The following CSRNP3 variants were observed in gnomAD, a reference collection of about 807,000 sequenced individuals.
CSRNP3 encodes the protein cysteine/serine-rich nuclear protein 3.
A neutral mutation model predicts 48.0 loss-of-function variants in CSRNP3; 12 were observed. The observed-to-expected ratio is 0.25, with a 90% CI of 0.16 to 0.41. CSRNP3 has a LOEUF of 0.41. Ranked by LOEUF, CSRNP3 falls within the 10% of genes least tolerant of loss-of-function variation. The pLI, the probability that CSRNP3 is intolerant of heterozygous loss-of-function variation, is 1.00. For synonymous variants in CSRNP3, 263 were observed against 269.7 expected (o/e 0.98, Z 0.24); for missense variants, 580 against 724.4 (o/e 0.80, Z 2.29).
intron 5 of CSRNP3, among the ~76,000 whole-genome samples, chr2:165,674,006 G>C (rs1215199112): frequency 1.3e-5 from 2 of 152,010 alleles, no homozygotes; most frequent in African/African-American, 4.8e-5. Context: ...GGGAAACAGA[G>C]CTAGACTCCA....
At chr2:165,626,127 G>C (rs1420212454) in intron 4 of CSRNP3, among the ~76,000 whole-genome samples, 6 of 151,542 alleles carry the variant, frequency 4.0e-5, no homozygotes, top group Non-Finnish European at 8.8e-5. Flanking sequence ...GGAGGCTGAG[G>C]CAGGAGAATC....
chr2:165,567,318 C>T (rs1208149494), intron 3 of CSRNP3, among the ~76,000 whole-genome samples: 1 of 152,006 alleles, frequency 6.6e-6, no homozygotes, highest in African/African-American at 2.4e-5. Context: ...TCTTTTCTCT[C>T]GATAAATGCT....
chr2:165,593,474 A>G (rs1339326315), intron 3 of CSRNP3, among the ~76,000 whole-genome samples: 3 of 152,074 alleles, frequency 2.0e-5, no homozygotes, highest in Admixed American at 2.0e-4. Context: ...ATTTCTAACC[A>G]TCTCACTCCC....
chr2:165,630,558 C>T (rs1686519015), intron 4 of CSRNP3, among the ~76,000 whole-genome samples: 2 of 152,206 alleles, frequency 1.3e-5, no homozygotes, highest in South Asian at 4.1e-4. Context: ...AGCTGGACAG[C>T]AACAACTCCT....
rs140740371 is a variant in CSRNP3, at chr2:165,626,521, G to T, written c.149-31240G>T. Among the ~76,000 whole-genome samples, 556 of 152,260 alleles carry T rather than the reference G, an allele frequency of 3.7e-3. 1 individual carries two copies. The highest frequency in any genetic ancestry group is 5.9e-3 in the Non-Finnish European group (404 of 68,016). On this transcript the variant is annotated intron_variant, in intron 4 of 6. Coordinates refer to ENST00000651982, the MANE Select transcript of CSRNP3 (RefSeq NM_001172173.2). ...CCCTTCAAAGTACTGCTAACATTCC[G>T]TATTTCCTTGTCCAAAGCATGAGAT...
intron 5 of CSRNP3, among the ~76,000 whole-genome samples, chr2:165,663,794 T>C (rs1428813328): frequency 6.6e-6 from 1 of 152,168 alleles, no homozygotes. Context: ...TGAAATCAGC[T>C]ATGATGGGTG....
chr2:165,678,611 T>A, intron 6 of CSRNP3, 90 bp from the exon 7 acceptor site: 1 of 1,430,300 alleles, frequency 7.0e-7, no homozygotes, highest in East Asian at 2.3e-5. Flanking sequence ...GTGGATGGAT[T>A]ACTTAATTCA....
At chr2:165,617,992 A>G (rs1322363557) in intron 4 of CSRNP3, among the ~76,000 whole-genome samples, 1 of 152,178 alleles carries the variant, frequency 6.6e-6, no homozygotes, top group East Asian at 1.9e-4. Context: ...GGCAGGGTGT[A>G]GTCTGAATGT....
In CSRNP3 at chr2:165,678,985, G is replaced by T. The variant is rs771206426; in HGVS notation, c.990G>T (p.Leu330=). Residue 330 remains leucine, a synonymous_variant, in exon 7 of 7, where the codon CTG becomes CTT. Transcript: ENST00000651982. ...ETEPQAAVLH[L]QSAEELDCQG... is the part of the protein sequence containing the mutation. ...AGCCCCAGGCTGCAGTGCTGCACCTGCAGTCGGCTGAAGAATTAGATTGCC... is the reference window on the plus strand; with the variant it reads ...AGCCCCAGGCTGCAGTGCTGCACCTTCAGTCGGCTGAAGAATTAGATTGCC... 6.2e-7 allele frequency: 1 copy of T among 1,614,012 alleles called. No homozygotes were observed. Among genetic ancestry groups the T allele is most frequent in the South Asian group, 1.1e-5 (1 of 91,072 alleles).
In CSRNP3 at chr2:165,594,950, A is replaced by T. The variant is rs1418008716; in HGVS notation, c.-23-93A>T. The T allele has an allele frequency of 2.7e-6, 3 of 1,108,222 alleles. No individual in the cohort carries two copies. In the African/African-American group the frequency reaches 4.6e-5, roughly 17 times the overall value. The allele number at this position is 1,108,222 out of a possible 1,614,324, so 68.6% of individuals were successfully genotyped here. A position where few individuals can be genotyped will look rare whatever the true frequency, so the allele number is the denominator to read the frequency against. The stretch of plus-strand genomic sequence containing the variant: ...GGGAAAGCTATAGCTCAGCTCATGT[A>T]TAAAAAGCCACATAAAAATGACTCT... On this transcript the variant is annotated intron_variant, in intron 3 of 6. Transcript: ENST00000651982.
chr2:165,538,625 T>TCA (rs1388709317), intron 3 of CSRNP3, among the ~76,000 whole-genome samples: 1 of 151,948 alleles, frequency 6.6e-6, no homozygotes, highest in Non-Finnish European at 1.5e-5. Context: ...AATGGCATCT[T>TCA]CCCTAGTATC....
At chr2:165,678,436 G>A (rs559691740) in intron 6 of CSRNP3, among the ~76,000 whole-genome samples, 77 of 152,270 alleles carry the variant, frequency 5.1e-4, no homozygotes, top group Non-Finnish European at 9.4e-4. Flanking sequence ...AGAAAGCCAT[G>A]GAGTGGGTCA....
At chr2:165,567,751 T>C (rs1317634473) in intron 3 of CSRNP3, among the ~76,000 whole-genome samples, 5 of 152,126 alleles carry the variant, frequency 3.3e-5, no homozygotes, top group South Asian at 2.1e-4. Context: ...ACTTTTTTTT[T>C]CCTAAATTGG....
In CSRNP3 at chr2:165,559,945, G is replaced by A. The variant is rs182773954; in HGVS notation, c.-23-35098G>A. On this transcript the variant is annotated intron_variant, in intron 3 of 6. Transcript: ENST00000651982. ...CTCCTGAGTAGCTGGGACTACAGGC[G>A]CCCGCCACCAAGCCCGACTAATTTT... 8.0e-4 allele frequency among the ~76,000 whole-genome samples: 121 copies of A among 151,662 alleles called. No homozygotes were observed. In the East Asian group the frequency reaches 0.017, roughly 22 times the overall value.
chr2:165,539,595 T>C (rs955942878), intron 3 of CSRNP3, among the ~76,000 whole-genome samples: 1 of 152,070 alleles, frequency 6.6e-6, no homozygotes. Context: ...AGCTGATGTA[T>C]AAAAAGATGC....
intron 3 of CSRNP3, among the ~76,000 whole-genome samples, chr2:165,546,549 T>C (rs1383406694): frequency 6.6e-6 from 1 of 152,184 alleles, no homozygotes; most frequent in South Asian, 2.1e-4. Context: ...AGCTCAATGC[T>C]GTATTTTCTC....
At chr2:165,470,248 T>C (rs1341233559) in intron 1 of CSRNP3, among the ~76,000 whole-genome samples, 1 of 152,128 alleles carries the variant, frequency 6.6e-6, no homozygotes, top group African/African-American at 2.4e-5. Flanking sequence ...TTAGCATTAA[T>C]TTAGAATGAA....
intron 3 of CSRNP3, among the ~76,000 whole-genome samples, chr2:165,570,595 TAA>T (rs199614203): frequency 1.4e-5 from 2 of 143,926 alleles, no homozygotes; most frequent in Non-Finnish European, 1.5e-5. Context: ...AGTAATGCAG[TAA>T]AAAAAAAAAA....
At chr2:165,624,228 G>A (rs1436084793) in intron 4 of CSRNP3, among the ~76,000 whole-genome samples, 2 of 151,970 alleles carry the variant, frequency 1.3e-5, no homozygotes, top group African/African-American at 4.8e-5. Context: ...TTTATTTTAA[G>A]CTTTCTTATG....
Sources: allele counts gnomAD v4.1 joint callset (sites outside exome capture counted in the v4.1 genomes callset), GRCh38; gene constraint gnomAD v4.1.1; transcripts MANE v1.5; gene names NCBI Gene and HGNC (gene_info 2026-07-23, HGNC 2026-07-21).